Variants in PPM1F observed in about 807,000 individuals in gnomAD.
PPM1F encodes protein phosphatase 1F.
A neutral mutation model predicts 35.5 loss-of-function variants in PPM1F; 17 were observed. The observed-to-expected ratio is 0.48, with a 90% CI of 0.33 to 0.72. The LOEUF is 0.72. PPM1F is among the 30% of genes least tolerant of loss of function. The pLI, the probability that PPM1F is intolerant of heterozygous loss-of-function variation, is 0.02. For missense variants in PPM1F, 521 were observed against 613.0 expected, an observed-to-expected ratio of 0.85 and a Z score of 1.59; for synonymous variants, 241 against 255.5, an observed-to-expected ratio of 0.94 and a Z score of 0.54.
intron 1 of PPM1F, chr22:21,949,419 A>G (rs974211430): frequency 6.6e-6 from 1 of 152,306 alleles, no homozygotes; most frequent in African/African-American, 2.4e-5. Flanking sequence ...TCTGACGTAC[A>G]CCATGGCACA....
chr22:21,933,971 C>T, intron 4 of PPM1F, 53 bp downstream of exon 4: 2 of 1,491,070 alleles, frequency 1.3e-6, no homozygotes, highest in Admixed American at 2.1e-5. Flanking sequence ...GGGGCCCCCA[C>T]CCTCGCCCCG....
At chr22:21,930,640 G>C (rs545190896) in intron 6 of PPM1F, among the ~76,000 whole-genome samples, 1 of 152,112 alleles carries the variant, frequency 6.6e-6, no homozygotes, top group Non-Finnish European at 1.5e-5. Flanking sequence ...CTGAATGCTC[G>C]CAATCCAACC....
chr22:21,947,415 T>A (rs1217139855), intron 1 of PPM1F: 1 of 152,202 alleles, frequency 6.6e-6, no homozygotes, highest in Non-Finnish European at 1.5e-5. Context: ...ACACTCAGGC[T>A]GGGAAACTTT....
rs746806994 is a variant in PPM1F at position 21,934,260 on chromosome 22, T to A, written c.356-34A>T. On this transcript the variant is annotated intron_variant, in intron 3 of 7. Coordinates refer to ENST00000263212, the MANE Select transcript of PPM1F (RefSeq NM_014634.4). ...CACAATGGAGGGATTGTCAGGGAAG[T>A]GCCAACCAAGCCAGCTGAGGCCTCG... 3 of 1,529,664 alleles carry A rather than the reference T, an allele frequency of 2.0e-6. No individual in the cohort carries two copies. In the East Asian group the frequency reaches 7.3e-5, roughly 37 times the overall value. The allele number at this position is 1,529,664 out of a possible 1,614,324, so 94.8% of individuals were successfully genotyped here. A position where few individuals can be genotyped will look rare whatever the true frequency, so the allele number is the denominator to read the frequency against.
At chr22:21,933,335 G>A (rs147362924) in intron 5 of PPM1F, 56 bp downstream of exon 5, 38 of 1,515,374 alleles carry the variant, frequency 2.5e-5, no homozygotes, top group Non-Finnish European at 3.2e-5. Context: ...CGCTGCAGAG[G>A]CTGGGACTCT....
intron 3 of PPM1F, 87 bp from the exon 4 acceptor site, chr22:21,934,313 C>CTTTG: frequency 2.7e-6 from 3 of 1,131,936 alleles, no homozygotes; most frequent in Non-Finnish European, 2.5e-6. Flanking sequence ...CCCACAGGGG[C>CTTTG]CTGCAAAGCC....
chr22:21,931,086 C>T (rs2070583372), intron 6 of PPM1F, 62 bp downstream of exon 6: 6 of 1,596,550 alleles, frequency 3.8e-6, no homozygotes, highest in Non-Finnish European at 4.3e-6. Context: ...TGGGGTTCCC[C>T]TATGGGCCCA....
chr22:21,943,892 G>A (rs764237251), intron 2 of PPM1F: 8 of 152,352 alleles, frequency 5.3e-5, no homozygotes, highest in Non-Finnish European at 1.0e-4. Context: ...GGCACCGCTT[G>A]GCTTTGCCCG....
At chr22:21,938,254 G>C (rs2070684004) in intron 3 of PPM1F, 1 of 1,298,228 alleles carries the variant, frequency 7.7e-7, no homozygotes. Context: ...CATCAGGCGG[G>C]GAGGGCCTGG....
rs148648949 is a variant in PPM1F, at chr22:21,923,482, G to A, written c.986-11C>T. 16 of 1,589,892 alleles carry A rather than the reference G, an allele frequency of 1.0e-5. No homozygotes were observed. Among genetic ancestry groups the A allele is most frequent in the Admixed American group, 1.7e-5 (1 of 58,798 alleles). ...TCTGGAAGACATCCCCTGGACAGGC[G>A]GAGAAGAGCCCGGGTCAGAGGACCA... On this transcript the variant is annotated splice_polypyrimidine_tract_variant and intron_variant, in intron 7 of 7. Coordinates refer to ENST00000263212, the MANE Select transcript of PPM1F (RefSeq NM_014634.4).
chr22:21,935,079 C>CT (rs1489181206), intron 3 of PPM1F: 2 of 152,104 alleles, frequency 1.3e-5, no homozygotes, highest in Admixed American at 6.6e-5. Flanking sequence ...GCAGCTTTAT[C>CT]TGGAACAGCC....
chr22:21,923,584 A>ATGGGGTC (rs780756110), intron 7 of PPM1F, 113 bp from the exon 8 acceptor site: 101 of 1,217,668 alleles, frequency 8.3e-5, no homozygotes, highest in Admixed American at 1.4e-4. Context: ...ACCTGCTCTC[A>ATGGGGTC]TGGGGTCTGG....
chr22:21,947,475 T>TA (rs1367056671), intron 1 of PPM1F: 2 of 151,912 alleles, frequency 1.3e-5, no homozygotes, highest in East Asian at 3.9e-4. Flanking sequence ...CAGAAAAAAA[T>TA]AAAAAAGAAA....
At position 21,939,666 on chromosome 22, in the gene PPM1F, G is replaced by A; in HGVS notation, c.221C>T (p.Pro74Leu). ...GFLGSRKAPP[P>L]LAAALAHEAV... is the part of the protein sequence containing the mutation. ...TTCGTGGGCCAGAGCAGCAGCAAGT[G>A]GTGGCGGGGCCTTCCTAGGGATGAG... The change falls in exon 3 of 8, where the codon CCA becomes CTA. Residue 74 changes from proline to leucine, a missense_variant. Coordinates refer to ENST00000263212, the MANE Select transcript of PPM1F (RefSeq NM_014634.4). This position sits in a 1 kb window ranked among gnomAD's most constrained non-coding sequence, Gnocchi z 5.1. The A allele has an allele frequency of 6.4e-7, 1 of 1,553,212 alleles. No individual in the cohort carries two copies. Among genetic ancestry groups the A allele is most frequent in the South Asian group, 1.2e-5 (1 of 84,182 alleles).
chr22:21,932,536 G>A (rs2070604839), intron 5 of PPM1F, among the ~76,000 whole-genome samples: 2 of 152,184 alleles, frequency 1.3e-5, no homozygotes, highest in South Asian at 4.1e-4. Flanking sequence ...TAAGCAACCT[G>A]AGCCTCAGTT....
Position 21,923,211 on chromosome 22 carries a change from G to A in PPM1F, c.1246C>T (p.Pro416Ser). ...TTCCCGCCCTCCAGCAGCTCTTGGG[G>A]GTCCCTGAGGAAGACCACCATGACC... Reference protein sequence around the residue: ...ITVMVVFLRDPQELLEGGNQG... With the variant: ...ITVMVVFLRDSQELLEGGNQG... The change falls in exon 8 of 8, where the codon CCC becomes TCC. Residue 416 changes from proline (P) to serine (S), a missense_variant. Transcript: ENST00000263212. 1 of 1,613,632 alleles carries A rather than the reference G, an allele frequency of 6.2e-7. No homozygotes were observed. The highest frequency in any genetic ancestry group is 8.5e-7 in the Non-Finnish European group (1 of 1,179,980).
At chr22:21,951,072 AT>A (rs1427566088) in intron 1 of PPM1F, 4 of 152,146 alleles carry the variant, frequency 2.6e-5, no homozygotes, top group African/African-American at 9.6e-5. Context: ...CCTTTTAACC[AT>A]TTCTAAGCGT....
chr22:21,928,366 G>A (rs575799761), intron 6 of PPM1F, among the ~76,000 whole-genome samples: 9 of 152,286 alleles, frequency 5.9e-5, no homozygotes, highest in Middle Eastern at 3.4e-3. Flanking sequence ...GCGTGCCAGC[G>A]TGACCTGTGA....
At chr22:21,930,917 GGGCTCTGCTCTCCCC>G (rs1329091351) in intron 6 of PPM1F, among the ~76,000 whole-genome samples, 2 of 152,208 alleles carry the variant, frequency 1.3e-5, no homozygotes, top group Non-Finnish European at 2.9e-5. Context: ...TCAGTGCAGA[GGGCTCTGCTCTCCCC>G]CGGAGCTCTG....
Sources: allele counts gnomAD v4.1 joint callset (sites outside exome capture counted in the v4.1 genomes callset), GRCh38; gene constraint gnomAD v4.1.1; non-coding constraint Gnocchi (gnomAD v3.1); transcripts MANE v1.5; gene names NCBI Gene and HGNC (gene_info 2026-07-23, HGNC 2026-07-21).